The following RALA variants were observed in gnomAD, a reference collection of about 807,000 sequenced individuals.
RALA encodes the protein ras-related protein Ral-A.
RALA carries 5 observed loss-of-function variants against 24.0 expected under a neutral mutation model. That is an observed-to-expected ratio of 0.21 (90% confidence interval 0.11 to 0.44). The LOEUF is 0.44. Ranked by LOEUF, RALA falls within the 20% of genes least tolerant of loss-of-function variation. The pLI is 0.99. For missense variants in RALA, 95 were observed against 241.2 expected, an observed-to-expected ratio of 0.39 and a Z score of 4.01; for synonymous variants, 77 against 83.8, an observed-to-expected ratio of 0.92 and a Z score of 0.44.
intron 1 of RALA, among the ~76,000 whole-genome samples, chr7:39,676,479 T>C (rs945863652): frequency 6.6e-6 from 1 of 152,216 alleles, no homozygotes; most frequent in African/African-American, 2.4e-5. Context: ...TTAGAATATT[T>C]GCATTATACT....
At chr7:39,632,954 A>G (rs958961712) in intron 1 of RALA, among the ~76,000 whole-genome samples, 1 of 152,240 alleles carries the variant, frequency 6.6e-6, no homozygotes, top group Non-Finnish European at 1.5e-5. Context: ...TTCTCAGTTT[A>G]TACAAGCAGC....
chr7:39,638,223 T>A (rs117711299), intron 1 of RALA, among the ~76,000 whole-genome samples: 2,478 of 152,288 alleles, frequency 0.016, 31 homozygotes, highest in Middle Eastern at 0.044. Context: ...TTAAGCCTCC[T>A]GAGTAGCTGG....
At chr7:39,660,483 ATTTC>A (rs1452915415) in intron 1 of RALA, among the ~76,000 whole-genome samples, 2 of 152,060 alleles carry the variant, frequency 1.3e-5, no homozygotes, top group Non-Finnish European at 2.9e-5. Context: ...TCCAATGCTT[ATTTC>A]TTTTCTGTCT....
intron 1 of RALA, among the ~76,000 whole-genome samples, chr7:39,630,516 GT>G (rs1455968076): frequency 6.6e-6 from 1 of 152,014 alleles, no homozygotes; most frequent in Non-Finnish European, 1.5e-5. Flanking sequence ...GCAAAAGATT[GT>G]TTTTATATAG....
At chr7:39,674,732 TG>T (rs1219645638) in intron 1 of RALA, among the ~76,000 whole-genome samples, 6 of 152,006 alleles carry the variant, frequency 3.9e-5, no homozygotes, top group Non-Finnish European at 5.9e-5. Context: ...TGAGATATCT[TG>T]GGGGATGGGA....
chr7:39,682,846 A>G (rs563737576), intron 1 of RALA, among the ~76,000 whole-genome samples: 2 of 152,088 alleles, frequency 1.3e-5, no homozygotes, highest in African/African-American at 4.8e-5. Flanking sequence ...GGGTTTCACC[A>G]TGTTGGCCAG....
chr7:39,701,948 G>A (rs530092691), intron 4 of RALA, among the ~76,000 whole-genome samples: 3 of 152,286 alleles, frequency 2.0e-5, no homozygotes, highest in East Asian at 3.9e-4. Context: ...CTTAATTCAC[G>A]ACTCCAAGGT....
At chr7:39,643,156 A>G (rs572444539) in intron 1 of RALA, among the ~76,000 whole-genome samples, 31 of 152,352 alleles carry the variant, frequency 2.0e-4, no homozygotes, top group Admixed American at 1.9e-3. Flanking sequence ...ACTTAAGACT[A>G]TACCATTAAG....
intron 4 of RALA, among the ~76,000 whole-genome samples, chr7:39,700,111 GTTACTTT>G (rs1467169743): frequency 6.6e-6 from 1 of 152,098 alleles, no homozygotes; most frequent in East Asian, 1.9e-4. Flanking sequence ...GTACGACTAT[GTTACTTT>G]TTCAAAAAAT....
At chr7:39,674,779 A>G (rs929364958) in intron 1 of RALA, among the ~76,000 whole-genome samples, 5 of 147,306 alleles carry the variant, frequency 3.4e-5, no homozygotes, top group South Asian at 4.3e-4. Flanking sequence ...TATGTTTTAT[A>G]TACACTTTAT....
At chr7:39,673,436 TTAAG>T (rs1792423630) in intron 1 of RALA, among the ~76,000 whole-genome samples, 1 of 152,212 alleles carries the variant, frequency 6.6e-6, no homozygotes, top group African/African-American at 2.4e-5. Flanking sequence ...TTTATGTTAC[TTAAG>T]TGTTATTATT....
intron 1 of RALA, among the ~76,000 whole-genome samples, chr7:39,653,908 T>G (rs1482067617): frequency 2.0e-5 from 3 of 152,222 alleles, no homozygotes; most frequent in African/African-American, 7.2e-5. Context: ...GAATATGTAC[T>G]AGTTATTTTC....
At chr7:39,636,695 C>T (rs1210113952) in intron 1 of RALA, among the ~76,000 whole-genome samples, 1 of 152,142 alleles carries the variant, frequency 6.6e-6, no homozygotes, top group Non-Finnish European at 1.5e-5. Context: ...CTACCTGAGA[C>T]TGGGTAATTT....
intron 1 of RALA, among the ~76,000 whole-genome samples, chr7:39,636,193 G>A (rs1159005842): frequency 6.6e-6 from 1 of 152,146 alleles, no homozygotes; most frequent in African/African-American, 2.4e-5. Context: ...TTGCATAGAT[G>A]TATGTTTTCA....
chr7:39,624,707 C>G (rs1302349165), intron 1 of RALA, among the ~76,000 whole-genome samples: 2 of 152,100 alleles, frequency 1.3e-5, no homozygotes, highest in Admixed American at 1.3e-4. Flanking sequence ...TGAGAAGTCC[C>G]GTGCCACGCC....
chr7:39,642,387 C>G (rs1180420770), intron 1 of RALA, among the ~76,000 whole-genome samples: 1 of 152,158 alleles, frequency 6.6e-6, no homozygotes, highest in African/African-American at 2.4e-5. Flanking sequence ...GGTGCTGTCT[C>G]TGGGCTGATG....
At chr7:39,679,126 G>A (rs906967189) in intron 1 of RALA, among the ~76,000 whole-genome samples, 5 of 148,810 alleles carry the variant, frequency 3.4e-5, no homozygotes, top group Admixed American at 6.7e-5. Context: ...ATTTCAGTGC[G>A]TAAAGAGCTT....
At chr7:39,640,097 G>C (rs1791757870) in intron 1 of RALA, among the ~76,000 whole-genome samples, 1 of 152,042 alleles carries the variant, frequency 6.6e-6, no homozygotes, top group Non-Finnish European at 1.5e-5. Flanking sequence ...GTTCAGGCTG[G>C]AGTGCAGTAG....
At chr7:39,684,289 A>ATTT (rs1290789648) in intron 1 of RALA, among the ~76,000 whole-genome samples, 1 of 152,194 alleles carries the variant, frequency 6.6e-6, no homozygotes, top group Non-Finnish European at 1.5e-5. Context: ...TTTTGATAGA[A>ATTT]TGATAAGAAC....
Sources: gnomAD v4.1 joint callset for allele counts (sites outside exome capture counted in the v4.1 genomes callset) on GRCh38, gnomAD v4.1.1 for gene constraint, MANE v1.5 for transcripts, NCBI Gene and HGNC (gene_info 2026-07-23, HGNC 2026-07-21) for gene names.